The following SIAH3 variants were observed in gnomAD, a reference collection of about 807,000 sequenced individuals.
SIAH3 encodes the protein seven in absentia homolog 3.
In SIAH3, 9 loss-of-function variants were observed where a neutral mutation model predicts 12.6. The observed-to-expected ratio is 0.72, with a 90% CI of 0.43 to 1.25. The LOEUF is 1.25. Among genes scored for constraint, SIAH3 ranks in the 50% most tolerant of loss-of-function variants. SIAH3 has a pLI of 0.00. For missense variants in SIAH3, 390 were observed against 365.4 expected, an observed-to-expected ratio of 1.07 and a Z score of -0.55; for synonymous variants, 154 against 151.1, an observed-to-expected ratio of 1.02 and a Z score of -0.14.
At chr13:45,840,448 T>C (rs1214686194) in intron 1 of SIAH3, among the ~76,000 whole-genome samples, 2 of 150,420 alleles carry the variant, frequency 1.3e-5, no homozygotes, top group Non-Finnish European at 3.0e-5. Flanking sequence ...ACTTAGTAAG[T>C]GCTCAATAAA....
In SIAH3 at chr13:45,851,574, A is replaced by G; in HGVS notation, c.56T>C (p.Phe19Ser). Residue 19 changes from phenylalanine to serine, a missense_variant, in exon 1 of 2, where the codon TTT (phenylalanine) becomes TCT (serine). By Grantham distance (155) the Phe-to-Ser change is radical. Coordinates refer to ENST00000400405, the MANE Select transcript of SIAH3 (RefSeq NM_198849.3). ...AACCCGTTTAGCCTTGTAGTGCTGAAACCGGAGATGAATGAGATCTAATAC... is the reference window on the plus strand; with the variant it reads ...AACCCGTTTAGCCTTGTAGTGCTGAGACCGGAGATGAATGAGATCTAATAC... ...GAVLDLIHLRFQHYKAKRVFS... is the reference protein window; with the variant it reads ...GAVLDLIHLRSQHYKAKRVFS... 1.2e-6 allele frequency: 2 copies of G among 1,614,200 alleles called. No individual in the cohort carries two copies. The highest frequency in any genetic ancestry group is 8.5e-7 in the Non-Finnish European group (1 of 1,180,040).
intron 1 of SIAH3, among the ~76,000 whole-genome samples, chr13:45,784,571 C>A (rs1435437852): frequency 6.6e-6 from 1 of 151,922 alleles, no homozygotes; most frequent in African/African-American, 2.4e-5. Context: ...CTGTCTTGGG[C>A]GCCCTTCTCC....
In SIAH3 at chr13:45,783,334, C is replaced by T. The variant is rs1182754978; in HGVS notation, c.*49G>A. 2 of 1,537,874 alleles carry T rather than the reference C, an allele frequency of 1.3e-6. No individual in the cohort carries two copies. The highest frequency in any genetic ancestry group is 1.8e-6 in the Non-Finnish European group (2 of 1,128,382). On this transcript the variant is annotated 3_prime_UTR_variant, in exon 2 of 2. Transcript: ENST00000400405. ...CTGGAGTCCTGGTATTGGGAGGTCC[C>T]AGGCGTTTCCTAGGGAGGCTGTGTG...
At chr13:45,839,942 G>A (rs1340448098) in intron 1 of SIAH3, among the ~76,000 whole-genome samples, 4 of 152,006 alleles carry the variant, frequency 2.6e-5, no homozygotes, top group African/African-American at 9.7e-5. Context: ...AGGAAGGAGA[G>A]CTAGCTCAAC....
chr13:45,806,415 A>T (rs904267098), intron 1 of SIAH3, among the ~76,000 whole-genome samples: 1 of 152,216 alleles, frequency 6.6e-6, no homozygotes, highest in African/African-American at 2.4e-5. Flanking sequence ...TATCCTTTGC[A>T]GCAACATGGA....
chr13:45,792,066 T>A (rs566657250), intron 1 of SIAH3, among the ~76,000 whole-genome samples: 1 of 152,276 alleles, frequency 6.6e-6, no homozygotes, highest in Admixed American at 6.5e-5. Context: ...TAGACCACAC[T>A]CTGCATAAGT....
intron 1 of SIAH3, among the ~76,000 whole-genome samples, chr13:45,797,726 G>GA (rs1248001504): frequency 6.6e-6 from 1 of 152,174 alleles, no homozygotes; most frequent in Non-Finnish European, 1.5e-5. Flanking sequence ...CTGGGTCACA[G>GA]ACCTCACTGT....
chr13:45,810,243 G>A lies in SIAH3; in HGVS notation c.136-26186C>T, dbSNP rs1235200195. Among the ~76,000 whole-genome samples, 8 of 152,176 alleles carry A rather than the reference G, an allele frequency of 5.3e-5. No homozygotes were observed. In the East Asian group the frequency reaches 5.8e-4, roughly 11 times the overall value. On this transcript the variant is annotated intron_variant, in intron 1 of 1. Transcript: ENST00000400405. ...AGAGACGAGTGGCCCAGTCCTATCC[G>A]TCATTCACTGGGACGCTCCATCATG...
At chr13:45,792,058 G>A (rs1950547292) in intron 1 of SIAH3, among the ~76,000 whole-genome samples, 1 of 152,192 alleles carries the variant, frequency 6.6e-6, no homozygotes. Flanking sequence ...CCACCCTCTA[G>A]ACCACACTCT....
chr13:45,849,341 C>G (rs1002203571), intron 1 of SIAH3, among the ~76,000 whole-genome samples: 1 of 152,180 alleles, frequency 6.6e-6, no homozygotes, highest in Non-Finnish European at 1.5e-5. Flanking sequence ...TCAAAGCATA[C>G]GTCATCCATT....
At chr13:45,814,467 T>C (rs536011803) in intron 1 of SIAH3, among the ~76,000 whole-genome samples, 1 of 152,038 alleles carries the variant, frequency 6.6e-6, no homozygotes, top group African/African-American at 2.4e-5. Flanking sequence ...GGAAGGCTTC[T>C]TAGAAGTGAC....
At chr13:45,791,519 CAA>C (rs1950545644) in intron 1 of SIAH3, among the ~76,000 whole-genome samples, 1 of 152,040 alleles carries the variant, frequency 6.6e-6, no homozygotes, top group African/African-American at 2.4e-5. Context: ...TGTGTGTGGC[CAA>C]GTGTCCACGG....
In SIAH3 at chr13:45,783,791, G is replaced by A. The variant is rs1045310339; in HGVS notation, c.402C>T (p.Asp134=). The part of the protein sequence containing the change: ...VPHLRQIHRV[D]ILQGAEIVFL... Reference sequence around the variant, plus strand: ...AGACGATCTCGGCTCCCTGGAGGATGTCAACCCTATGGATCTGCCGCAGGT... The same window carrying A: ...AGACGATCTCGGCTCCCTGGAGGATATCAACCCTATGGATCTGCCGCAGGT... Residue 134 remains aspartate, a synonymous_variant, in exon 2 of 2, where the codon GAC becomes GAT. Coordinates refer to ENST00000400405, the MANE Select transcript of SIAH3 (RefSeq NM_198849.3). The A allele has an allele frequency of 1.2e-5, 19 of 1,614,244 alleles. No homozygotes were observed. The highest frequency in any genetic ancestry group is 1.6e-5 in the Non-Finnish European group (19 of 1,180,046).
intron 1 of SIAH3, among the ~76,000 whole-genome samples, chr13:45,800,061 A>G (rs1229982730): frequency 6.6e-6 from 1 of 152,216 alleles, no homozygotes; most frequent in African/African-American, 2.4e-5. Flanking sequence ...GAGATCATGT[A>G]TTCTCATCAC....
At chr13:45,798,165 C>T (rs1950569521) in intron 1 of SIAH3, among the ~76,000 whole-genome samples, 1 of 152,214 alleles carries the variant, frequency 6.6e-6, no homozygotes, top group African/African-American at 2.4e-5. Flanking sequence ...TATGGCTACT[C>T]GTAATTCCTT....
intron 1 of SIAH3, among the ~76,000 whole-genome samples, chr13:45,839,339 A>C (rs1310931109): frequency 6.6e-6 from 1 of 152,092 alleles, no homozygotes; most frequent in Non-Finnish European, 1.5e-5. Context: ...CCACTGTTAG[A>C]TAATGACAAG....
intron 1 of SIAH3, among the ~76,000 whole-genome samples, chr13:45,840,949 C>T (rs1293332309): frequency 2.6e-5 from 4 of 152,184 alleles, no homozygotes; most frequent in Non-Finnish European, 5.9e-5. Context: ...AGAATGATAA[C>T]AATATACTAC....
intron 1 of SIAH3, among the ~76,000 whole-genome samples, chr13:45,787,735 C>A (rs1429690174): frequency 6.6e-6 from 1 of 152,196 alleles, no homozygotes; most frequent in Non-Finnish European, 1.5e-5. Context: ...CAAGCTGAGG[C>A]TCTGAGATGG....
intron 1 of SIAH3, among the ~76,000 whole-genome samples, chr13:45,803,296 ATCAGCCC>A (rs541159394): frequency 7.3e-4 from 111 of 152,354 alleles, no homozygotes; most frequent in East Asian, 6.6e-3. Context: ...ATCAAACTTT[ATCAGCCC>A]TCTTTCATGT....
Sources: gnomAD v4.1 joint callset for allele counts (sites outside exome capture counted in the v4.1 genomes callset) on GRCh38, gnomAD v4.1.1 for gene constraint, MANE v1.5 for transcripts, NCBI Gene and HGNC (gene_info 2026-07-23, HGNC 2026-07-21) for gene names.